The following FRAS1 variants were observed in gnomAD, a reference collection of about 807,000 sequenced individuals.
FRAS1 encodes the protein extracellular matrix organizing protein FRAS1.
FRAS1 carries 290 observed loss-of-function variants against 435.2 expected under a neutral mutation model. The observed-to-expected ratio is 0.67, with a 90% CI of 0.61 to 0.73. The LOEUF (loss-of-function observed/expected upper bound fraction) is 0.73, where lower values mean the gene tolerates loss of function less well. Ranked by LOEUF, FRAS1 falls within the 30% of genes least tolerant of loss-of-function variation. FRAS1 has a pLI of 0.00. For missense variants in FRAS1, 4,860 were observed against 5,001.5 expected (o/e 0.97, Z 0.85); for synonymous variants, 1,800 against 1,851.0 (o/e 0.97, Z 0.71).
chr4:78,445,441 A>G, intron 41 of FRAS1, 81 bp from the exon 42 acceptor site: 1 of 1,437,092 alleles, frequency 7.0e-7, no homozygotes, highest in Non-Finnish European at 9.2e-7. Flanking sequence ...TTTGCCGAAA[A>G]TGATACCTTG....
In FRAS1 at chr4:78,368,355, A is replaced by G. The variant is rs144156868; in HGVS notation, c.2723-1483A>G. Among the ~76,000 whole-genome samples, 31 of 150,368 alleles carry G rather than the reference A, an allele frequency of 2.1e-4. No individual in the cohort carries two copies. In the East Asian group the frequency reaches 6.1e-3, roughly 30 times the overall value. Reference sequence around the variant, plus strand: ...CATTCTTTTTTTTTTTCAGGGAGGTAATTTTCCTGCACTGTGCCATATACT... The same window carrying G: ...CATTCTTTTTTTTTTTCAGGGAGGTGATTTTCCTGCACTGTGCCATATACT... On this transcript the variant is annotated intron_variant, in intron 22 of 73. Coordinates refer to ENST00000512123, the MANE Select transcript of FRAS1 (RefSeq NM_025074.7).
intron 18 of FRAS1, among the ~76,000 whole-genome samples, chr4:78,331,235 T>C: frequency 6.6e-6 from 1 of 152,354 alleles, no homozygotes. Context: ...TACTCTTGAA[T>C]AAAGCTCTGT....
chr4:78,170,194 C>T (rs1030310118), intron 2 of FRAS1, among the ~76,000 whole-genome samples: 1 of 152,080 alleles, frequency 6.6e-6, no homozygotes, highest in Non-Finnish European at 1.5e-5. Flanking sequence ...CACAATTTGC[C>T]TTCATACCCT....
At position 78,534,599 on chromosome 4, in the gene FRAS1, A is replaced by G. The variant is rs369945044; in HGVS notation, c.11076A>G (p.Lys3692=). The G allele has an allele frequency of 3.7e-5, 60 of 1,612,894 alleles. No homozygotes were observed. Among genetic ancestry groups the G allele is most frequent in the Admixed American group, 1.5e-4 (9 of 59,940 alleles). ...SDMSLAEMDY[K]GAFSKGQILY... is the part of the protein sequence containing the mutation. ...TGTCACTAGCAGAAATGGATTACAA[A>G]GGAGCCTTTTCAAAAGGTGAGTTGC... Residue 3692 remains lysine (K), a synonymous_variant, in exon 71 of 74, where the codon AAA becomes AAG. Transcript: ENST00000512123.
intron 2 of FRAS1, among the ~76,000 whole-genome samples, chr4:78,103,986 T>C (rs1235739876): frequency 1.3e-5 from 2 of 152,228 alleles, no homozygotes; most frequent in African/African-American, 2.4e-5. Flanking sequence ...TCAGTGTTTA[T>C]TGGGACCAGT....
In FRAS1 at chr4:78,284,728, T is replaced by C. The variant is rs140028168; in HGVS notation, c.1399+180T>C. Among the ~76,000 whole-genome samples, 1,333 of 152,324 alleles carry C rather than the reference T, an allele frequency of 8.8e-3. 8 individuals are homozygous for C. The highest frequency in any genetic ancestry group is 0.017 in the Middle Eastern group (5 of 294). On this transcript the variant is annotated intron_variant, in intron 13 of 73. Coordinates refer to ENST00000512123, the MANE Select transcript of FRAS1 (RefSeq NM_025074.7). ...GTAGTAATGTCATCTATAGGTTACT[T>C]GCCCTCTCTACCTGCAGGTCTTTTT...
At chr4:78,163,248 G>C (rs1721212115) in intron 2 of FRAS1, among the ~76,000 whole-genome samples, 1 of 151,994 alleles carries the variant, frequency 6.6e-6, no homozygotes, top group African/African-American at 2.4e-5. Context: ...ACCTTTTTAT[G>C]AGTAAATTTA....
intron 3 of FRAS1, among the ~76,000 whole-genome samples, chr4:78,244,880 G>C (rs1380328271): frequency 1.3e-5 from 2 of 152,144 alleles, no homozygotes; most frequent in Non-Finnish European, 2.9e-5. Flanking sequence ...CCAGCTCTGT[G>C]GCCATCCCCC....
At chr4:78,424,357 A>G in intron 34 of FRAS1, 31 bp from the exon 35 acceptor site, 1 of 1,334,464 alleles carries the variant, frequency 7.5e-7, no homozygotes, top group East Asian at 2.7e-5. Flanking sequence ...CAAAGTGTTT[A>G]ATATACTGAT....
At chr4:78,502,326 C>T (rs140338847) in intron 61 of FRAS1, among the ~76,000 whole-genome samples, 3,586 of 152,240 alleles carry the variant, frequency 0.024, 138 homozygotes, top group African/African-American at 0.082. Flanking sequence ...GCCATTTTCA[C>T]GATATTGATT....
chr4:78,406,927 A>T (rs745471689), intron 30 of FRAS1, among the ~76,000 whole-genome samples: 1 of 152,210 alleles, frequency 6.6e-6, no homozygotes, highest in Non-Finnish European at 1.5e-5. Flanking sequence ...ACATGATGCC[A>T]CAAGTGGAAA....
intron 23 of FRAS1, among the ~76,000 whole-genome samples, chr4:78,371,800 G>A (rs1461035287): frequency 6.6e-6 from 1 of 152,116 alleles, no homozygotes; most frequent in African/African-American, 2.4e-5. Flanking sequence ...CGTCAGAATT[G>A]CCTGGGCCAT....
At chr4:78,170,930 C>T (rs1169052860) in intron 2 of FRAS1, among the ~76,000 whole-genome samples, 2 of 151,968 alleles carry the variant, frequency 1.3e-5, no homozygotes, top group Non-Finnish European at 2.9e-5. Flanking sequence ...CTTTTTTCTT[C>T]CTTTGGCTTC....
At chr4:78,179,906 G>A (rs1229000625) in intron 2 of FRAS1, among the ~76,000 whole-genome samples, 2 of 152,114 alleles carry the variant, frequency 1.3e-5, no homozygotes, top group African/African-American at 4.8e-5. Flanking sequence ...GGCTGAAAAG[G>A]TTTGGTTAAC....
At chr4:78,161,118 G>A (rs1721116818) in intron 2 of FRAS1, among the ~76,000 whole-genome samples, 1 of 151,654 alleles carries the variant, frequency 6.6e-6, no homozygotes, top group Admixed American at 6.6e-5. Flanking sequence ...CAGCCTGGGA[G>A]ACAGAGTGAG....
chr4:78,252,555 A>C lies in FRAS1; in HGVS notation c.469+4A>C. 2 of 1,611,158 alleles carry C rather than the reference A, an allele frequency of 1.2e-6. No homozygotes were observed. Among genetic ancestry groups the C allele is most frequent in the East Asian group, 2.2e-5 (1 of 44,812 alleles). ...CCAGTTTGTGTGGGCCTTGGGAGTG[A>C]GTATGAGCTTGTAGAAGGGGACCCT... On this transcript the variant is annotated splice_donor_region_variant and intron_variant, in intron 5 of 73. Transcript: ENST00000512123.
chr4:78,408,901 A>T (rs959969617), intron 31 of FRAS1, among the ~76,000 whole-genome samples: 7 of 152,114 alleles, frequency 4.6e-5, no homozygotes, highest in African/African-American at 1.7e-4. Context: ...AGGCAGGCAG[A>T]TTGCGTCAGT....
chr4:78,134,457 TG>T (rs1410256163), intron 2 of FRAS1, among the ~76,000 whole-genome samples: 1 of 152,186 alleles, frequency 6.6e-6, no homozygotes, highest in East Asian at 1.9e-4. Context: ...CATTTTTACT[TG>T]TAGGATTAGT....
intron 14 of FRAS1, 88 bp from the exon 15 acceptor site, chr4:78,307,977 TC>T: frequency 7.5e-7 from 1 of 1,333,306 alleles, no homozygotes; most frequent in Non-Finnish European, 1.0e-6. Context: ...ACTGACATCC[TC>T]CTTGTGTATT....
Sources: allele counts gnomAD v4.1 joint callset (sites outside exome capture counted in the v4.1 genomes callset), GRCh38; gene constraint gnomAD v4.1.1; transcripts MANE v1.5; gene names NCBI Gene and HGNC (gene_info 2026-07-23, HGNC 2026-07-21).